Variants in SPOCK1 observed in about 807,000 individuals in gnomAD.
SPOCK1 encodes SPARC (osteonectin), cwcv and kazal like domains proteoglycan 1.
A neutral mutation model predicts 55.3 loss-of-function variants in SPOCK1; 23 were observed. The observed-to-expected ratio is 0.42, with a 90% CI of 0.30 to 0.59. The LOEUF (loss-of-function observed/expected upper bound fraction) is 0.59. SPOCK1 is among the 20% of genes least tolerant of loss of function. The pLI, the probability that SPOCK1 is intolerant of heterozygous loss-of-function variation, is 0.22. For missense variants in SPOCK1, 499 were observed against 552.5 expected (o/e 0.90, Z 0.97); for synonymous variants, 226 against 221.0 (o/e 1.02, Z -0.20).
At chr5:136,985,232 C>T (rs1185785275) in intron 8 of SPOCK1, 30 bp from the exon 9 acceptor site, 2 of 1,599,768 alleles carry the variant, frequency 1.3e-6, no homozygotes, top group South Asian at 2.2e-5. Flanking sequence ...AGTCAGCTTC[C>T]AGATGGTATG....
intron 6 of SPOCK1, among the ~76,000 whole-genome samples, chr5:137,035,466 C>T (rs1038021534): frequency 5.3e-5 from 8 of 152,150 alleles, no homozygotes; most frequent in Non-Finnish European, 7.3e-5. Flanking sequence ...GAAAGAAGGA[C>T]GGCAAAGCTG....
At position 137,052,312 on chromosome 5, in the gene SPOCK1, A is replaced by G. The variant is rs142406547; in HGVS notation, c.589+15403T>C. Among the ~76,000 whole-genome samples the G allele has an allele frequency of 1.9e-4, 29 of 152,340 alleles. No homozygotes were observed. In the East Asian group the frequency reaches 5.2e-3, roughly 27 times the overall value. Reference sequence around the variant, plus strand: ...TTAGGTTCAGGAGTGTCAGTCACCTACCGTTAAACTAAATCCCTGCTAAGA... The same window carrying G: ...TTAGGTTCAGGAGTGTCAGTCACCTGCCGTTAAACTAAATCCCTGCTAAGA... On this transcript the variant is annotated intron_variant, in intron 6 of 10. Transcript: ENST00000394945.
At chr5:137,067,856 T>G (rs567951051) in intron 5 of SPOCK1, 27 bp from the exon 6 acceptor site, 1 of 1,591,826 alleles carries the variant, frequency 6.3e-7, no homozygotes, top group African/African-American at 1.3e-5. Flanking sequence ...CAACAGGTCT[T>G]AAGAATGCAG....
At chr5:137,233,792 A>G (rs1193879446) in intron 3 of SPOCK1, among the ~76,000 whole-genome samples, 1 of 122,078 alleles carries the variant, frequency 8.2e-6, no homozygotes, top group African/African-American at 3.3e-5. Context: ...TGATTCTAGG[A>G]GGCTGTATTT....
At chr5:137,332,193 A>C (rs1758199814) in intron 2 of SPOCK1, among the ~76,000 whole-genome samples, 1 of 147,628 alleles carries the variant, frequency 6.8e-6, no homozygotes, top group African/African-American at 2.5e-5. Context: ...TGGGATCCCC[A>C]CCCTTCCCTC....
intron 6 of SPOCK1, among the ~76,000 whole-genome samples, chr5:137,018,719 A>T (rs529039331): frequency 2.0e-5 from 3 of 152,274 alleles, no homozygotes; most frequent in Non-Finnish European, 2.9e-5. Flanking sequence ...TTTTGAGTAT[A>T]TATTTTACCT....
At chr5:137,020,892 A>C (rs1751552111) in intron 6 of SPOCK1, among the ~76,000 whole-genome samples, 1 of 152,110 alleles carries the variant, frequency 6.6e-6, no homozygotes, top group Non-Finnish European at 1.5e-5. Context: ...AACCTAAAAA[A>C]ATAGAAAAGA....
chr5:137,399,259 G>A (rs899978576), intron 2 of SPOCK1, among the ~76,000 whole-genome samples: 5 of 152,164 alleles, frequency 3.3e-5, no homozygotes, highest in African/African-American at 9.7e-5. Context: ...GGCATTGCAC[G>A]TGGCAAGTTT....
chr5:137,404,068 G>T (rs993168196), intron 2 of SPOCK1, among the ~76,000 whole-genome samples: 1 of 152,184 alleles, frequency 6.6e-6, no homozygotes, highest in Non-Finnish European at 1.5e-5. Context: ...AGGCCAGGAT[G>T]GTGCAGCAGA....
chr5:137,018,355 C>T (rs1355856647), intron 6 of SPOCK1, among the ~76,000 whole-genome samples: 4 of 152,206 alleles, frequency 2.6e-5, no homozygotes, highest in East Asian at 1.9e-4. Flanking sequence ...CTCTGGTCAA[C>T]GTGGAACCAT....
intron 3 of SPOCK1, among the ~76,000 whole-genome samples, chr5:137,210,341 T>C (rs974774222): frequency 1.3e-5 from 2 of 152,212 alleles, no homozygotes; most frequent in African/African-American, 4.8e-5. Context: ...GCTTTCTTAA[T>C]ATTTTCCAGG....
intron 2 of SPOCK1, among the ~76,000 whole-genome samples, chr5:137,425,536 C>G (rs944732714): frequency 1.3e-5 from 2 of 151,972 alleles, no homozygotes; most frequent in African/African-American, 4.8e-5. Context: ...CACAATATAA[C>G]ACAGCACTAC....
At chr5:137,072,143 T>C (rs567747424) in intron 5 of SPOCK1, among the ~76,000 whole-genome samples, 7 of 152,240 alleles carry the variant, frequency 4.6e-5, no homozygotes, top group South Asian at 2.1e-4. Context: ...ATATGAGCAG[T>C]TGGACCTAAA....
intron 2 of SPOCK1, among the ~76,000 whole-genome samples, chr5:137,393,431 C>T (rs1751769691): frequency 6.6e-6 from 1 of 152,240 alleles, no homozygotes; most frequent in African/African-American, 2.4e-5. Context: ...CAGCTGACAG[C>T]CAGTGGATGC....
rs1172425790 is a variant in SPOCK1 at position 137,498,524 on chromosome 5, G to A, written c.35C>T (p.Ala12Val). The change falls in exon 2 of 11, where the codon GCG becomes GTG. Residue 12 changes from alanine (A) to valine (V), a missense_variant. Physicochemically the swap from Ala to Val is moderately conservative, Grantham distance 64. Transcript: ENST00000394945. Reference sequence around the variant, plus strand: ...CTCGACTTGGAGGAAGCACCACGCCGCGGCGGCCGCCGCCAACACCGCGAT... The same window carrying A: ...CTCGACTTGGAGGAAGCACCACGCCACGGCGGCCGCCGCCAACACCGCGAT... ...PAIAVLAAAA[A>V]AWCFLQVESR... 6.5e-7 allele frequency: 1 copy of A among 1,547,754 alleles called. No homozygotes were observed. Among genetic ancestry groups the A allele is most frequent in the Admixed American group, 1.9e-5 (1 of 52,194 alleles).
At chr5:137,031,931 C>T (rs917356969) in intron 6 of SPOCK1, among the ~76,000 whole-genome samples, 1 of 150,610 alleles carries the variant, frequency 6.6e-6, no homozygotes, top group East Asian at 1.9e-4. Context: ...CACACACATA[C>T]ATACATATGT....
At chr5:137,325,602 C>T (rs1758060985) in intron 2 of SPOCK1, among the ~76,000 whole-genome samples, 1 of 152,244 alleles carries the variant, frequency 6.6e-6, no homozygotes, top group Admixed American at 6.5e-5. Context: ...GAATCACCCA[C>T]TCTGTGCTGG....
At chr5:137,498,729 A>T (rs1754365138) in intron 1 of SPOCK1, 171 bp from the exon 2 acceptor site, 1 of 328,458 alleles carries the variant, frequency 3.0e-6, no homozygotes, top group East Asian at 8.3e-5. Flanking sequence ...GACCCCTCTC[A>T]CGAATGGGGG....
chr5:137,288,620 G>A (rs1029194242), intron 2 of SPOCK1, among the ~76,000 whole-genome samples: 1 of 152,216 alleles, frequency 6.6e-6, no homozygotes, highest in African/African-American at 2.4e-5. Context: ...AGACCTGGCA[G>A]TCATTTGCTG....
Sources: allele counts gnomAD v4.1 joint callset (sites outside exome capture counted in the v4.1 genomes callset), GRCh38; gene constraint gnomAD v4.1.1; transcripts MANE v1.5; gene names NCBI Gene and HGNC (gene_info 2026-07-23, HGNC 2026-07-21).